AFF1: variants seen among roughly 807,000 people sequenced by gnomAD.
AFF1 encodes ALF transcription elongation factor 1.
A neutral mutation model predicts 121.7 loss-of-function variants in AFF1; 48 were observed. The observed-to-expected ratio is 0.39, with a 90% CI of 0.31 to 0.50. The LOEUF (loss-of-function observed/expected upper bound fraction) is 0.50, where lower values mean the gene tolerates loss of function less well. Ranked by LOEUF, AFF1 falls within the 20% of genes least tolerant of loss-of-function variation. AFF1 has a pLI of 0.76. For synonymous variants in AFF1, 613 were observed against 563.0 expected, an observed-to-expected ratio of 1.09 and a Z score of -1.26; for missense variants, 1,523 against 1,511.7, an observed-to-expected ratio of 1.01 and a Z score of -0.12.
At chr4:87,034,020 A>AT (rs1729316655) in intron 2 of AFF1, among the ~76,000 whole-genome samples, 1 of 152,146 alleles carries the variant, frequency 6.6e-6, no homozygotes, top group Non-Finnish European at 1.5e-5. Flanking sequence ...GAGTCAGATG[A>AT]TGACGGAACA....
At chr4:87,057,142 C>T (rs1720232232) in intron 4 of AFF1, among the ~76,000 whole-genome samples, 1 of 151,220 alleles carries the variant, frequency 6.6e-6, no homozygotes, top group Non-Finnish European at 1.5e-5. Flanking sequence ...AAGGTACATC[C>T]AGGCTAAAGG....
At chr4:87,064,259 A>G (rs1454885493) in intron 4 of AFF1, among the ~76,000 whole-genome samples, 1 of 152,232 alleles carries the variant, frequency 6.6e-6, no homozygotes, top group Non-Finnish European at 1.5e-5. Context: ...AAATTTAGTA[A>G]GGAAAGGTGT....
intron 8 of AFF1, among the ~76,000 whole-genome samples, chr4:87,099,305 G>T (rs1181737464): frequency 1.3e-5 from 2 of 152,144 alleles, no homozygotes; most frequent in African/African-American, 4.8e-5. Context: ...CCAAAAACAA[G>T]GAACAAACAT....
chr4:87,029,821 A>G (rs1312736319), intron 2 of AFF1, among the ~76,000 whole-genome samples: 2 of 152,146 alleles, frequency 1.3e-5, no homozygotes, highest in African/African-American at 4.8e-5. Context: ...ACACTTCACA[A>G]CACCTTGGAG....
At chr4:86,988,265 T>C (rs2149500595) in intron 2 of AFF1, among the ~76,000 whole-genome samples, 2 of 152,246 alleles carry the variant, frequency 1.3e-5, no homozygotes, top group South Asian at 4.1e-4. Flanking sequence ...TATCAAACAC[T>C]AGAACCTGTT....
At chr4:87,010,971 C>T (rs886584208) in intron 2 of AFF1, among the ~76,000 whole-genome samples, 2 of 148,138 alleles carry the variant, frequency 1.4e-5, no homozygotes, top group Admixed American at 6.9e-5. Flanking sequence ...CCCAGCTACG[C>T]GGGAGGCGGA....
At chr4:87,101,596 T>A (rs1348245128) in intron 8 of AFF1, among the ~76,000 whole-genome samples, 4 of 132,206 alleles carry the variant, frequency 3.0e-5, no homozygotes, top group Non-Finnish European at 5.1e-5. Context: ...AAAAAAAAAA[T>A]CCTGGGATTC....
At chr4:86,986,862 T>A (rs1452667660) in intron 2 of AFF1, among the ~76,000 whole-genome samples, 1 of 152,126 alleles carries the variant, frequency 6.6e-6, no homozygotes, top group Non-Finnish European at 1.5e-5. Context: ...TTATTATTTT[T>A]AAAATCATCA....
chr4:86,950,201 A>G, intron 2 of AFF1: 1 of 1,306,378 alleles, frequency 7.7e-7, no homozygotes, highest in Non-Finnish European at 1.1e-6. Context: ...TTTTTAAGAC[A>G]AAGTTTCGCT....
chr4:86,982,802 C>T (rs1170690462), intron 2 of AFF1, among the ~76,000 whole-genome samples: 4 of 130,542 alleles, frequency 3.1e-5, no homozygotes, highest in East Asian at 2.4e-4. Context: ...GAGCCGAGAT[C>T]GTGCCACTGC....
At chr4:86,984,807 C>T (rs1409831984) in intron 2 of AFF1, among the ~76,000 whole-genome samples, 3 of 151,878 alleles carry the variant, frequency 2.0e-5, no homozygotes, top group African/African-American at 7.3e-5. Context: ...CATATAGTCC[C>T]GCTACTTGGG....
At chr4:87,119,018 G>C (rs1727401630) in intron 12 of AFF1, among the ~76,000 whole-genome samples, 1 of 109,022 alleles carries the variant, frequency 9.2e-6, no homozygotes, top group Non-Finnish European at 1.9e-5. Context: ...GGACCAATCA[G>C]AGTTACTTTC....
intron 2 of AFF1, among the ~76,000 whole-genome samples, chr4:86,991,843 TTTTTTTTTTTTA>T (rs1233872652): frequency 6.6e-6 from 1 of 151,612 alleles, no homozygotes; most frequent in East Asian, 1.9e-4. Context: ...GCTTTTTTTT[TTTTTTTTTTTTA>T]CATCCTTTTC....
chr4:86,989,778 A>G (rs1724555072), intron 2 of AFF1, among the ~76,000 whole-genome samples: 1 of 152,246 alleles, frequency 6.6e-6, no homozygotes, highest in South Asian at 2.1e-4. Flanking sequence ...AACCAACCCA[A>G]AAGCCCATCA....
intron 7 of AFF1, among the ~76,000 whole-genome samples, chr4:87,094,445 G>C (rs1291819296): frequency 6.6e-6 from 1 of 152,202 alleles, no homozygotes; most frequent in Admixed American, 6.5e-5. Context: ...TCTATAAATA[G>C]CTGCTGAATG....
At chr4:87,095,366 G>C (rs1205145469) in intron 8 of AFF1, among the ~76,000 whole-genome samples, 2 of 152,170 alleles carry the variant, frequency 1.3e-5, no homozygotes, top group Non-Finnish European at 2.9e-5. Context: ...TGATCCGCCT[G>C]CCTCAGCCTC....
intron 2 of AFF1, among the ~76,000 whole-genome samples, chr4:87,027,254 A>G (rs567917966): frequency 6.6e-6 from 1 of 152,366 alleles, no homozygotes; most frequent in African/African-American, 2.4e-5. Flanking sequence ...GTTTCCCAGT[A>G]GAGCAAAAAG....
chr4:87,111,962 T>C (rs770725456), intron 11 of AFF1, among the ~76,000 whole-genome samples: 3 of 152,198 alleles, frequency 2.0e-5, no homozygotes, highest in Non-Finnish European at 4.4e-5. Context: ...CCAGATGTTA[T>C]TTATACTGGG....
rs753687137 is a variant in AFF1 at position 87,135,731 on chromosome 4, G to A, written c.*30G>A. ...GCCCCAGGTTGATTCAATGCCTTGG[G>A]AACTATTTTTGCACATTGGAAGCCT... On this transcript the variant is annotated 3_prime_UTR_variant, in exon 21 of 21. Coordinates refer to ENST00000395146, the MANE Select transcript of AFF1 (RefSeq NM_001166693.3). 24 of 1,599,400 alleles carry A rather than the reference G, an allele frequency of 1.5e-5. No homozygotes were observed. The highest frequency in any genetic ancestry group is 1.9e-5 in the Non-Finnish European group (22 of 1,172,532).
Sources: allele counts gnomAD v4.1 joint callset (sites outside exome capture counted in the v4.1 genomes callset), GRCh38; gene constraint gnomAD v4.1.1; transcripts MANE v1.5; gene names NCBI Gene and HGNC (gene_info 2026-07-23, HGNC 2026-07-21).